The following SDK1 variants were observed in gnomAD, a reference collection of about 807,000 sequenced individuals.
SDK1 encodes the protein sidekick cell adhesion molecule 1.
A neutral mutation model predicts 245.5 loss-of-function variants in SDK1; 157 were observed. That is an observed-to-expected ratio of 0.64 (90% CI 0.56 to 0.73). SDK1 has a LOEUF of 0.73. Among genes scored for constraint, SDK1 ranks in the 30% least tolerant of loss-of-function variants. The pLI, the probability that SDK1 is intolerant of heterozygous loss-of-function variation, is 0.00. For missense variants in SDK1, 3,583 were observed against 3,002.3 expected, an observed-to-expected ratio of 1.19 and a Z score of -4.52; for synonymous variants, 1,647 against 1,278.5, an observed-to-expected ratio of 1.29 and a Z score of -6.15.
At chr7:3,638,615 C>G (rs1244233064) in intron 2 of SDK1, among the ~76,000 whole-genome samples, 1 of 125,884 alleles carries the variant, frequency 7.9e-6, no homozygotes, top group Non-Finnish European at 1.6e-5. Flanking sequence ...AGGGAAACAT[C>G]ACACACCGGG....
rs116215296 is a variant in SDK1 at position 3,383,912 on chromosome 7, A to G, written c.298+82028A>G. Among the ~76,000 whole-genome samples, 228 of 152,320 alleles carry G rather than the reference A, an allele frequency of 1.5e-3. 5 individuals carry two copies. Among genetic ancestry groups the G allele is most frequent in the African/African-American group, 4.6e-3 (190 of 41,576 alleles). On this transcript the variant is annotated intron_variant, in intron 1 of 44. Transcript: ENST00000404826. ...TGTTCAAACCCTTCAGCTGGAGTCA[A>G]TCTTATGGGTCACAACACATTCTTA...
intron 29 of SDK1, among the ~76,000 whole-genome samples, chr7:4,146,946 C>G (rs1257938395): frequency 4.6e-5 from 7 of 152,236 alleles, no homozygotes; most frequent in African/African-American, 7.2e-5. Context: ...ACGAGGCCGA[C>G]TCTTCCCATG....
chr7:3,700,571 G>C (rs879079669), intron 4 of SDK1, among the ~76,000 whole-genome samples: 2 of 151,988 alleles, frequency 1.3e-5, no homozygotes, highest in African/African-American at 4.8e-5. Flanking sequence ...AAATGCCATA[G>C]GTATGTCAAA....
chr7:4,163,435 C>T (rs949987864), intron 32 of SDK1, among the ~76,000 whole-genome samples: 4 of 152,148 alleles, frequency 2.6e-5, no homozygotes, highest in Admixed American at 2.0e-4. Context: ...TGCCCTCCGC[C>T]GGTGCAGGGG....
intron 4 of SDK1, among the ~76,000 whole-genome samples, chr7:3,663,870 C>T (rs938283936): frequency 3.3e-5 from 5 of 152,168 alleles, no homozygotes; most frequent in African/African-American, 1.2e-4. Context: ...GTTTCATGAA[C>T]AGAACTGAAT....
chr7:4,237,677 G>T lies in SDK1; in HGVS notation c.6023G>T (p.Trp2008Leu). 1 of 1,614,112 alleles carries T rather than the reference G, an allele frequency of 6.2e-7. No individual in the cohort carries two copies. The change falls in exon 42 of 45, where the codon TGG (tryptophan) becomes TTG (leucine). Residue 2008 changes from tryptophan to leucine, a missense_variant. Trp to Leu is a moderately conservative substitution (Grantham distance 61). Transcript: ENST00000404826. ...GTGGAAGCCCCATTCTACGAGGAGT[G>T]GTGGTTCCTCCTGGTGATGGCTCTG... The part of the protein sequence containing the change: ...AQVEAPFYEE[W>L]WFLLVMALSS...
chr7:4,083,546 C>CTCCCTCCCTCCCTCCCTCTCTCCCTTCA (rs1210727847), intron 22 of SDK1, among the ~76,000 whole-genome samples: 1 of 93,138 alleles, frequency 1.1e-5, no homozygotes, highest in African/African-American at 5.8e-5. Flanking sequence ...CCCTCCCTCC[C>CTCCCTCCCTCCCTCCCTCTCTCCCTTCA]TCCCTCCCTC....
chr7:3,778,394 A>G (rs769618830), intron 4 of SDK1, among the ~76,000 whole-genome samples: 35 of 152,352 alleles, frequency 2.3e-4, no homozygotes, highest in Admixed American at 7.2e-4. Flanking sequence ...GCTTTGAACA[A>G]AAAGCCTCCT....
chr7:4,238,606 T>C (rs930302513), intron 42 of SDK1, among the ~76,000 whole-genome samples: 1 of 151,092 alleles, frequency 6.6e-6, no homozygotes, highest in Non-Finnish European at 1.5e-5. Context: ...CTTGTTGCCA[T>C]GGTGCAGTCT....
chr7:3,566,919 T>TA (rs1779938715), intron 1 of SDK1, among the ~76,000 whole-genome samples: 1 of 152,132 alleles, frequency 6.6e-6, no homozygotes, highest in South Asian at 2.1e-4. Flanking sequence ...GGATGGTAGA[T>TA]ACAAGTGGGG....
intron 44 of SDK1, among the ~76,000 whole-genome samples, chr7:4,264,821 C>T (rs1349191926): frequency 6.6e-6 from 1 of 152,150 alleles, no homozygotes; most frequent in African/African-American, 2.4e-5. Context: ...AGTGGGGAGG[C>T]TGCATAGACC....
chr7:3,638,743 C>T (rs1460735601), intron 2 of SDK1, among the ~76,000 whole-genome samples: 2 of 150,738 alleles, frequency 1.3e-5, no homozygotes, highest in African/African-American at 2.4e-5. Context: ...ATGTAACTAA[C>T]CTGCACGTTG....
intron 4 of SDK1, among the ~76,000 whole-genome samples, chr7:3,794,610 C>T (rs1474406592): frequency 6.6e-6 from 1 of 152,144 alleles, no homozygotes; most frequent in East Asian, 1.9e-4. Flanking sequence ...ACCCTCAACC[C>T]CCTTGCCATG....
intron 40 of SDK1, among the ~76,000 whole-genome samples, chr7:4,223,857 C>A (rs185358045): frequency 6.6e-6 from 1 of 152,158 alleles, no homozygotes; most frequent in African/African-American, 2.4e-5. Flanking sequence ...ATGACTTCCC[C>A]GCCATTGCAG....
At chr7:3,868,042 T>C (rs760094324) in intron 5 of SDK1, among the ~76,000 whole-genome samples, 4 of 152,176 alleles carry the variant, frequency 2.6e-5, no homozygotes, top group Non-Finnish European at 4.4e-5. Context: ...TGTTTGAATG[T>C]TTCACGGAAT....
chr7:3,825,923 G>A (rs1043196225), intron 5 of SDK1, among the ~76,000 whole-genome samples: 19 of 152,202 alleles, frequency 1.2e-4, no homozygotes, highest in African/African-American at 4.3e-4. Flanking sequence ...CCAATCTGGG[G>A]CCTAGCCCCA....
At chr7:4,204,450 CA>C (rs1562428845) in intron 35 of SDK1, among the ~76,000 whole-genome samples, 1 of 148,678 alleles carries the variant, frequency 6.7e-6, no homozygotes, top group Non-Finnish European at 1.5e-5. Flanking sequence ...ACAGTTAGAA[CA>C]AAATAAATAG....
chr7:4,082,239 A>T (rs537842693), intron 22 of SDK1, among the ~76,000 whole-genome samples: 118 of 152,186 alleles, frequency 7.8e-4, no homozygotes, highest in Middle Eastern at 6.8e-3. Context: ...TGTATGTCTT[A>T]CTTCAGTGAA....
chr7:3,324,407 T>C (rs1779892060), intron 1 of SDK1, among the ~76,000 whole-genome samples: 1 of 152,140 alleles, frequency 6.6e-6, no homozygotes, highest in Non-Finnish European at 1.5e-5. Context: ...AAAGGCAGTT[T>C]TTTGCTTGCC....
Sources: gnomAD v4.1 joint callset for allele counts (sites outside exome capture counted in the v4.1 genomes callset) on GRCh38, gnomAD v4.1.1 for gene constraint, MANE v1.5 for transcripts, NCBI Gene and HGNC (gene_info 2026-07-23, HGNC 2026-07-21) for gene names.